PIEZO1: variants seen among roughly 807,000 people sequenced by gnomAD.
The protein encoded by PIEZO1 is piezo type mechanosensitive ion channel component 1 (Er blood group), also known as piezo-type mechanosensitive ion channel component 1.
PIEZO1 carries 296 observed loss-of-function variants against 297.2 expected under a neutral mutation model. The ratio of observed to expected loss-of-function variants is 1.00; its 90% confidence interval spans 0.91 to 1.10. The LOEUF is 1.10. Among genes scored for constraint, PIEZO1 ranks in the 50% least tolerant of loss-of-function variants. The probability of loss-of-function intolerance (pLI) is 0.00; values close to 1 mark genes in which losing one functional copy is unlikely to be tolerated. For missense variants in PIEZO1, 5,018 were observed against 3,455.5 expected (o/e 1.45, Z -11.34); for synonymous variants, 2,427 against 1,507.5 (o/e 1.61, Z -14.13).
Position 88,721,917 on chromosome 16 carries a change from G to A in PIEZO1, c.5105C>T (p.Thr1702Met), listed in dbSNP as rs377701196. 100 of 1,550,196 alleles carry A rather than the reference G, an allele frequency of 6.5e-5. No homozygotes were observed. The African/African-American group carries it at 1.0e-3, about 16-fold the overall frequency. ...CAGCACCAGCGAGCCGGCGGAGGCCGTGACCATGTGGTTGAGGATGATGAT... is the reference window on the plus strand; with the variant it reads ...CAGCACCAGCGAGCCGGCGGAGGCCATGACCATGTGGTTGAGGATGATGAT... ...YFIIILNHMV[T>M]ASAGSLVLPV... Residue 1702 changes from threonine (T) to methionine (M), a missense_variant, in exon 37 of 51, where the codon ACG (threonine) becomes ATG (methionine). Transcript: ENST00000301015.
At position 88,716,787 on chromosome 16, in the gene PIEZO1, CAGGGCAG is replaced by C. The variant is rs1373534745; in HGVS notation, c.6753+12_6753+18del. 2 of 1,549,646 alleles carry C rather than the reference CAGGGCAG, an allele frequency of 1.3e-6. No homozygotes were observed. The highest frequency in any genetic ancestry group is 1.7e-6 in the Non-Finnish European group (2 of 1,146,932). On this transcript the variant is annotated intron_variant, in intron 46 of 50. Coordinates refer to ENST00000301015, the MANE Select transcript of PIEZO1 (RefSeq NM_001142864.4). ...AGCCGCCTCCCCACACCAGCTTTCA[CAGGGCAG>C]AGGCCACTTACCGGCTGGGGGTCAA...
intron 1 of PIEZO1, among the ~76,000 whole-genome samples, chr16:88,782,696 C>G (rs1377198813): frequency 6.6e-6 from 1 of 152,178 alleles, no homozygotes; most frequent in Non-Finnish European, 1.5e-5. Context: ...TGCTTCCAGC[C>G]AAAGCTCGCC....
In PIEZO1 at chr16:88,733,811, G is replaced by T. The variant is rs1905034983; in HGVS notation, c.2330-66C>A. 1.6e-5 allele frequency: 23 copies of T among 1,471,296 alleles called. No individual in the cohort carries two copies. The East Asian group carries it at 5.7e-4, about 37-fold the overall frequency. The allele number at this position is 1,471,296 out of a possible 1,614,324, so 91.1% of individuals were successfully genotyped here. A position where few individuals can be genotyped will look rare whatever the true frequency, so the allele number is the denominator to read the frequency against. The stretch of plus-strand genomic sequence containing the variant: ...TTCCCGGGTCCCCTGTGAGGAAGAG[G>T]CTCTGGAGCCCAGAGGGGACTCTGC... On this transcript the variant is annotated intron_variant, in intron 17 of 50. Coordinates refer to ENST00000301015, the MANE Select transcript of PIEZO1 (RefSeq NM_001142864.4).
In PIEZO1 at chr16:88,765,194, C is replaced by T. The variant is rs569026154; in HGVS notation, c.65-15715G>A. 9.2e-5 allele frequency among the ~76,000 whole-genome samples: 14 copies of T among 152,352 alleles called. No homozygotes were observed. The South Asian group carries it at 1.2e-3, about 14-fold the overall frequency. On this transcript the variant is annotated intron_variant, in intron 1 of 50. Transcript: ENST00000301015. ...CTGGCCTGCTCTCTAGGGACTTCCCCGGCACTCAGAGAGGAATGCAACCTG... is the reference window on the plus strand; with the variant it reads ...CTGGCCTGCTCTCTAGGGACTTCCCTGGCACTCAGAGAGGAATGCAACCTG...
At chr16:88,763,413 T>C (rs1341062502) in intron 1 of PIEZO1, among the ~76,000 whole-genome samples, 4 of 152,168 alleles carry the variant, frequency 2.6e-5, no homozygotes, top group Admixed American at 6.5e-5. Context: ...GTATGGTGAC[T>C]CCTGCCTGTA....
In PIEZO1 at chr16:88,785,050, T is replaced by C; in HGVS notation, c.-86A>G. On this transcript the variant is annotated 5_prime_UTR_variant, in exon 1 of 51. An upstream start codon of the reference 5' UTR is lost. Transcript: ENST00000301015. ...CGGGGGCCCCGGGGCCGGCGCGCCA[T>C]GGCTGACCCGCGGGGACCCGCGCGC... The C allele has an allele frequency of 1.2e-6, 1 of 803,228 alleles. No homozygotes were observed. 49.8% of individuals were successfully genotyped at this position (803,228 alleles called of 1,614,324 possible). A position where few individuals can be genotyped will look rare whatever the true frequency, so the allele number is the denominator to read the frequency against.
intron 5 of PIEZO1, 126 bp downstream of exon 5, chr16:88,741,352 T>C (rs1905642724): frequency 2.2e-6 from 2 of 930,066 alleles, no homozygotes; most frequent in Non-Finnish European, 3.1e-6. Context: ...TCCTCCTCTC[T>C]TTAACACCAA....
chr16:88,749,085 A>T (rs1217827480), intron 2 of PIEZO1, among the ~76,000 whole-genome samples: 1 of 151,802 alleles, frequency 6.6e-6, no homozygotes, highest in Non-Finnish European at 1.5e-5. Context: ...AAAATACAAA[A>T]AAAAATAAGC....
intron 10 of PIEZO1, chr16:88,737,054 G>A (rs968993036): frequency 5.2e-5 from 15 of 285,718 alleles, no homozygotes; most frequent in Admixed American, 3.5e-4. Flanking sequence ...GGCTTCATTT[G>A]CTTCATTCAG....
chr16:88,726,677 G>T, intron 25 of PIEZO1, 34 bp from the exon 26 acceptor site: 1 of 1,426,302 alleles, frequency 7.0e-7, no homozygotes, highest in Non-Finnish European at 9.4e-7. Context: ...GGCCAGCGGG[G>T]CCCCAGGGCG....
At chr16:88,764,388 C>A (rs139665871) in intron 1 of PIEZO1, among the ~76,000 whole-genome samples, 1 of 152,144 alleles carries the variant, frequency 6.6e-6, no homozygotes, top group Non-Finnish European at 1.5e-5. Context: ...TCATCCAAAC[C>A]CAGGCGCCAT....
At chr16:88,743,876 G>T (rs1905863800) in intron 2 of PIEZO1, 1 of 321,764 alleles carries the variant, frequency 3.1e-6, no homozygotes, top group Non-Finnish European at 6.2e-6. Context: ...GAGGATGGGA[G>T]GGGTGAGCAG....
In PIEZO1 at chr16:88,749,412, G is replaced by A. The variant is rs112488313; in HGVS notation, c.132C>T (p.Phe44=). ...GGAGGCCGCATCGGGTGGGGCCGGG[G>A]AACCAGGGCAGCAGCAGCAGGAAGA... is the stretch of plus-strand genomic sequence containing the variant. ...YLLFLLLLPW[F]PGPTRCGLQG... is the part of the protein sequence containing the mutation. The change falls in exon 2 of 51, where the codon TTC becomes TTT. Residue 44 remains phenylalanine, a synonymous_variant. Coordinates refer to ENST00000301015, the MANE Select transcript of PIEZO1 (RefSeq NM_001142864.4). 2.8e-3 allele frequency: 4,193 copies of A among 1,520,894 alleles called. 74 individuals carry two copies. The African/African-American group carries it at 0.041, about 15-fold the overall frequency. 94.2% of individuals were successfully genotyped at this position (1,520,894 alleles called of 1,614,324 possible).
intron 1 of PIEZO1, among the ~76,000 whole-genome samples, chr16:88,758,940 T>G (rs550088662): frequency 6.6e-6 from 1 of 152,284 alleles, no homozygotes; most frequent in African/African-American, 2.4e-5. Flanking sequence ...AAAACTGAAA[T>G]TCCACATGTC....
rs766966590 is a variant in PIEZO1 at position 88,770,745 on chromosome 16, G to A, written c.64+14156C>T. ...CCAAGTCACCCTGAGCACGCCCCAC[G>A]GTTCCCACGGAGCAGTCAGGTCCGG... On this transcript the variant is annotated intron_variant, in intron 1 of 50. Transcript: ENST00000301015. Among the ~76,000 whole-genome samples, 4 of 152,242 alleles carry A rather than the reference G, an allele frequency of 2.6e-5. No homozygotes were observed. In the East Asian group the frequency reaches 5.8e-4, roughly 22 times the overall value.
At chr16:88,770,835 C>T (rs8052231) in intron 1 of PIEZO1, among the ~76,000 whole-genome samples, 75,418 of 152,180 alleles carry the variant, frequency 0.5, 20,525 homozygotes, top group Middle Eastern at 0.64. Context: ...CCACCAGAGT[C>T]GCTGGGCCTC....
chr16:88,743,197 G>A (rs1057407138), intron 2 of PIEZO1: 2 of 456,170 alleles, frequency 4.4e-6, no homozygotes, highest in African/African-American at 4.0e-5. Context: ...CAGGGGCTGG[G>A]CGGGCGCACC....
At position 88,722,820 on chromosome 16, in the gene PIEZO1, T is replaced by C. The variant is rs765560859; in HGVS notation, c.4668+17A>G. 32 of 1,541,942 alleles carry C rather than the reference T, an allele frequency of 2.1e-5. No homozygotes were observed. The highest frequency in any genetic ancestry group is 2.7e-5 in the Non-Finnish European group (31 of 1,146,028). On this transcript the variant is annotated intron_variant, in intron 34 of 50. Coordinates refer to ENST00000301015, the MANE Select transcript of PIEZO1 (RefSeq NM_001142864.4). ...TCAGGCAGAGCAGGGACGAGCGTGG[T>C]GCACGGGCAGGCTCACCTGCAGGAG...
In PIEZO1 at chr16:88,726,422, A is replaced by C; in HGVS notation, c.3830T>G (p.Leu1277Arg). 6.4e-7 allele frequency: 1 copy of C among 1,550,532 alleles called. No homozygotes were observed. Among genetic ancestry groups the C allele is most frequent in the South Asian group, 1.2e-5 (1 of 84,068 alleles). Reference sequence around the variant, plus strand: ...GATGCCAGCCTCCTCCACAGGCAGCAGGCAGTCCTGGTCTCTGTCCATCAT... The same window carrying C: ...GATGCCAGCCTCCTCCACAGGCAGCCGGCAGTCCTGGTCTCTGTCCATCAT... Reference protein sequence around the residue: ...KEMMDRDQDCLLPVEEAGIIW... With the variant: ...KEMMDRDQDCRLPVEEAGIIW... Residue 1277 changes from leucine (L) to arginine (R), a missense_variant, in exon 27 of 51, where the codon CTG (leucine) becomes CGG (arginine). Transcript: ENST00000301015.
Sources: allele counts gnomAD v4.1 joint callset (sites outside exome capture counted in the v4.1 genomes callset), GRCh38; gene constraint gnomAD v4.1.1; transcripts MANE v1.5; gene names NCBI Gene and HGNC (gene_info 2026-07-23, HGNC 2026-07-21).